The following FGF19 variants were observed in gnomAD, a reference collection of about 807,000 sequenced individuals.
The protein encoded by FGF19 is fibroblast growth factor 19.
A neutral mutation model predicts 8.9 loss-of-function variants in FGF19; 5 were observed. That is an observed-to-expected ratio of 0.56 (90% CI 0.29 to 1.18). The LOEUF (loss-of-function observed/expected upper bound fraction) is 1.18. Among genes scored for constraint, FGF19 ranks in the 50% most tolerant of loss-of-function variants. The pLI is 0.08. For synonymous variants in FGF19, 124 were observed against 128.0 expected (o/e 0.97, Z 0.21); for missense variants, 237 against 293.9 (o/e 0.81, Z 1.42).
At chr11:69,699,661 C>G in intron 2 of FGF19, 85 bp from the exon 3 acceptor site, 1 of 1,096,572 alleles carries the variant, frequency 9.1e-7, no homozygotes, top group East Asian at 2.6e-5. Context: ...CAGACTGTCC[C>G]TGGTGGCCAC....
Position 69,702,952 on chromosome 11 carries a change from AAT to A in FGF19, c.336+307_336+308del, listed in dbSNP as rs1854792662. Among the ~76,000 whole-genome samples the A allele has an allele frequency of 6.6e-6, 1 of 152,084 alleles. No homozygotes were observed. Among genetic ancestry groups the A allele is most frequent in the Non-Finnish European group, 1.5e-5 (1 of 68,014 alleles). On this transcript the variant is annotated intron_variant, in intron 2 of 2. Coordinates refer to ENST00000294312, the MANE Select transcript of FGF19 (RefSeq NM_005117.3). This position sits in a 1 kb window ranked among gnomAD's most constrained non-coding sequence, Gnocchi z 4.6. ...AGGCCCGAGGTGGGTTTTCCTGTTT[AAT>A]ATCAAAGGAGGCCGAATAATGGGTT...
Position 69,703,555 on chromosome 11 carries a change from G to A in FGF19, c.232+90C>T, listed in dbSNP as rs1046522275. The A allele has an allele frequency of 1.6e-5, 12 of 763,836 alleles. No homozygotes were observed. The highest frequency in any genetic ancestry group is 2.0e-5 in the Non-Finnish European group (11 of 563,974). The allele number at this position is 763,836 out of a possible 1,614,324, so 47.3% of individuals were successfully genotyped here. A position where few individuals can be genotyped will look rare whatever the true frequency, so the allele number is the denominator to read the frequency against. On this transcript the variant is annotated intron_variant, in intron 1 of 2. Transcript: ENST00000294312. The surrounding 1 kb of genome is among the most constrained non-coding windows in gnomAD (Gnocchi z 6.8). ...GAGGGGTCCGCAGGAGCCTAAGGGT[G>A]GCAAAGGAAGGAAGGGCGCTGGGGT...
rs1854730348 is a variant in FGF19 at position 69,698,446 on chromosome 11, G to A, written c.*816C>T. 1 of 187,468 alleles carries A rather than the reference G, an allele frequency of 5.3e-6. No individual in the cohort carries two copies. The highest frequency in any genetic ancestry group is 8.5e-5 in the East Asian group (1 of 11,702). The allele number at this position is 187,468 out of a possible 1,614,324, so 11.6% of individuals were successfully genotyped here. On this transcript the variant is annotated 3_prime_UTR_variant, in exon 3 of 3. Transcript: ENST00000294312. ...CAGCAAGTTATTGACAAGACTTGGG[G>A]TCTTCAAATCTTTTCTTTTCCTGAT...
Position 69,699,371 on chromosome 11 carries a change from C to A in FGF19, c.542G>T (p.Gly181Val). Residue 181 changes from glycine to valine, a missense_variant, in exon 3 of 3, where the codon GGC becomes GTC. Coordinates refer to ENST00000294312, the MANE Select transcript of FGF19 (RefSeq NM_005117.3). ...AGAGAACATGTCAGATTCCAAGTGG[C>A]CCCTGAGGTCCTCAGGCTCCTCTGG... The part of the protein sequence containing the change: ...MVPEEPEDLR[G>V]HLESDMFSSP... 2 of 1,614,076 alleles carry A rather than the reference C, an allele frequency of 1.2e-6. No homozygotes were observed. The highest frequency in any genetic ancestry group is 1.7e-6 in the Non-Finnish European group (2 of 1,179,922).
chr11:69,703,074 G>A lies in FGF19; in HGVS notation c.336+187C>T, dbSNP rs533098833. ...CTGCTGGCTGAGACCCTAAATTTCCGTAGGAAATCGTCGGACATGCACTTA... is the reference window on the plus strand; with the variant it reads ...CTGCTGGCTGAGACCCTAAATTTCCATAGGAAATCGTCGGACATGCACTTA... On this transcript the variant is annotated intron_variant, in intron 2 of 2. Transcript: ENST00000294312. This position sits in a 1 kb window ranked among gnomAD's most constrained non-coding sequence, Gnocchi z 6.8. Among the ~76,000 whole-genome samples, 2 of 152,212 alleles carry A rather than the reference G, an allele frequency of 1.3e-5. No homozygotes were observed. Among genetic ancestry groups the A allele is most frequent in the African/African-American group, 2.4e-5 (1 of 41,458 alleles).
Position 69,699,453 on chromosome 11 carries a change from A to G in FGF19, c.460T>C (p.Tyr154His). 6.2e-7 allele frequency: 1 copy of G among 1,614,200 alleles called. No homozygotes were observed. Residue 154 changes from tyrosine to histidine, a missense_variant, in exon 3 of 3, where the codon TAC (tyrosine) becomes CAC (histidine). Tyr to His is a moderately conservative substitution (Grantham distance 83, BLOSUM62 2). Transcript: ENST00000294312. ...SLSSAKQRQL[Y>H]KNRGFLPLSH... The stretch of plus-strand genomic sequence containing the variant: ...AGTGGAAGAAAGCCTCTGTTCTTGT[A>G]CAGCTGCCGCTGTTTGGCACTGCTC...
At chr11:69,701,532 GGT>G (rs1186044542) in intron 2 of FGF19, among the ~76,000 whole-genome samples, 1 of 151,534 alleles carries the variant, frequency 6.6e-6, no homozygotes, top group African/African-American at 2.4e-5. Context: ...GAACCCCGCA[GGT>G]GGAGGTTGCA....
intron 2 of FGF19, among the ~76,000 whole-genome samples, chr11:69,701,479 C>T (rs768926064): frequency 1.3e-5 from 2 of 151,644 alleles, no homozygotes; most frequent in Non-Finnish European, 2.9e-5. Context: ...GCACGGTGCC[C>T]GTAATCCCAG....
Position 69,702,628 on chromosome 11 carries a change from A to G in FGF19, c.336+633T>C, listed in dbSNP as rs1854787430. 6.6e-6 allele frequency among the ~76,000 whole-genome samples: 1 copy of G among 151,462 alleles called. No individual in the cohort carries two copies. Among genetic ancestry groups the G allele is most frequent in the Non-Finnish European group, 1.5e-5 (1 of 67,818 alleles). On this transcript the variant is annotated intron_variant, in intron 2 of 2. Transcript: ENST00000294312. The surrounding 1 kb of genome is among the most constrained non-coding windows in gnomAD (Gnocchi z 4.6). Reference sequence around the variant, plus strand: ...AGCCCCCACCCCCTGCCCCCACCAGAAAGCGTTTACAGGACAGGTGAGGCC... The same window carrying G: ...AGCCCCCACCCCCTGCCCCCACCAGGAAGCGTTTACAGGACAGGTGAGGCC...
At chr11:69,701,384 G>C (rs1416497683) in intron 2 of FGF19, among the ~76,000 whole-genome samples, 1 of 152,024 alleles carries the variant, frequency 6.6e-6, no homozygotes, top group African/African-American at 2.4e-5. Flanking sequence ...GGCAGATCGT[G>C]ATGTCAGGAG....
chr11:69,698,592 GA>G lies in FGF19; in HGVS notation c.*669del, dbSNP rs1854731886. 5.1e-6 allele frequency: 1 copy of G among 194,452 alleles called. No homozygotes were observed. Among genetic ancestry groups the G allele is most frequent in the Non-Finnish European group, 1.1e-5 (1 of 93,492 alleles). 12.0% of individuals were successfully genotyped at this position (194,452 alleles called of 1,614,324 possible). On this transcript the variant is annotated 3_prime_UTR_variant, in exon 3 of 3. Transcript: ENST00000294312. Reference sequence around the variant, plus strand: ...GGGAGATGGAAGCAGGTGACACCGGGACAGCAAGTTATTCTCAGGACAGCAT... The same window carrying G: ...GGGAGATGGAAGCAGGTGACACCGGGCAGCAAGTTATTCTCAGGACAGCAT...
intron 2 of FGF19, among the ~76,000 whole-genome samples, chr11:69,701,679 G>C (rs759816203): frequency 2.6e-5 from 4 of 151,438 alleles, no homozygotes; most frequent in Admixed American, 6.6e-5. Context: ...AGGCACAAAG[G>C]GGGCTGGGCG....
chr11:69,698,344 T>C lies in FGF19; in HGVS notation c.*918A>G, dbSNP rs1854729305. On this transcript the variant is annotated 3_prime_UTR_variant, in exon 3 of 3. Coordinates refer to ENST00000294312, the MANE Select transcript of FGF19 (RefSeq NM_005117.3). ...AAAATAAGAGATGTACATATCAAAA[T>C]AAATTACTCATAAATATCATGTTGG... 5.4e-6 allele frequency: 1 copy of C among 184,940 alleles called. No individual in the cohort carries two copies. The highest frequency in any genetic ancestry group is 2.0e-3 in the Middle Eastern group (1 of 510). 11.5% of individuals were successfully genotyped at this position (184,940 alleles called of 1,614,324 possible). A position where few individuals can be genotyped will look rare whatever the true frequency, so the allele number is the denominator to read the frequency against.
rs554936075 is a variant in FGF19 at position 69,702,580 on chromosome 11, C to A, written c.336+681G>T. 1.3e-5 allele frequency among the ~76,000 whole-genome samples: 2 copies of A among 152,162 alleles called. No individual in the cohort carries two copies. The highest frequency in any genetic ancestry group is 2.4e-5 in the African/African-American group (1 of 41,524). On this transcript the variant is annotated intron_variant, in intron 2 of 2. Coordinates refer to ENST00000294312, the MANE Select transcript of FGF19 (RefSeq NM_005117.3). This position sits in a 1 kb window ranked among gnomAD's most constrained non-coding sequence, Gnocchi z 4.6. ...TACACTTCCGGCCCCGGGACCTCTG[C>A]GGTTACCTGGGCCTTCCCTGCCAGC...
rs1303360335 is a variant in FGF19, at chr11:69,698,620, C to T, written c.*642G>A. ...AGCAAGTTATTCTCAGGACAGCATC[C>T]ATGACAGAACTGGCCTCAGGGGGAA... is the stretch of plus-strand genomic sequence containing the variant. On this transcript the variant is annotated 3_prime_UTR_variant, in exon 3 of 3. Transcript: ENST00000294312. 5.1e-6 allele frequency: 1 copy of T among 196,876 alleles called. No homozygotes were observed. The highest frequency in any genetic ancestry group is 1.1e-5 in the Non-Finnish European group (1 of 95,210). The allele number at this position is 196,876 out of a possible 1,614,324, so 12.2% of individuals were successfully genotyped here.
chr11:69,703,257 T>G lies in FGF19; in HGVS notation c.336+4A>C. On this transcript the variant is annotated splice_donor_region_variant and intron_variant, in intron 2 of 2. Coordinates refer to ENST00000294312, the MANE Select transcript of FGF19 (RefSeq NM_005117.3). This position sits in a 1 kb window ranked among gnomAD's most constrained non-coding sequence, Gnocchi z 6.8. ...CGGCGCATCCGCCCCGTGGGGACACTTACCAGCCCCTGCATCTTGCCGTCG... is the reference window on the plus strand; with the variant it reads ...CGGCGCATCCGCCCCGTGGGGACACGTACCAGCCCCTGCATCTTGCCGTCG... The G allele has an allele frequency of 6.3e-7, 1 of 1,591,064 alleles. No individual in the cohort carries two copies. Among genetic ancestry groups the G allele is most frequent in the Non-Finnish European group, 8.6e-7 (1 of 1,168,604 alleles).
chr11:69,701,528 C>G (rs972839125), intron 2 of FGF19, among the ~76,000 whole-genome samples: 1 of 147,164 alleles, frequency 6.8e-6, no homozygotes, highest in African/African-American at 2.5e-5. Flanking sequence ...GCTTGAACCC[C>G]GCAGGTGGAG....
rs1179709099 is a variant in FGF19, at chr11:69,703,758, T to C, written c.119A>G (p.Asp40Gly). ...GTACAGGTGCCGCAGGCGGATGGGG[T>C]CGCCCCAGCCGTAGTGCACGTGGGG... ...AGPHVHYGWGDPIRLRHLYTS... is the reference protein window; with the variant it reads ...AGPHVHYGWGGPIRLRHLYTS... Residue 40 changes from aspartate to glycine, a missense_variant, in exon 1 of 3, where the codon GAC becomes GGC. Asp to Gly is a moderately conservative substitution (Grantham distance 94). Coordinates refer to ENST00000294312, the MANE Select transcript of FGF19 (RefSeq NM_005117.3). The surrounding 1 kb of genome is among the most constrained non-coding windows in gnomAD (Gnocchi z 6.8). 8.1e-7 allele frequency: 1 copy of C among 1,233,172 alleles called. No individual in the cohort carries two copies. Among genetic ancestry groups the C allele is most frequent in the Admixed American group, 4.2e-5 (1 of 23,646 alleles). The allele number at this position is 1,233,172 out of a possible 1,614,324, so 76.4% of individuals were successfully genotyped here.
intron 2 of FGF19, among the ~76,000 whole-genome samples, chr11:69,701,566 G>A (rs1191381920): frequency 7.8e-6 from 1 of 128,782 alleles, no homozygotes; most frequent in Non-Finnish European, 1.5e-5. Flanking sequence ...TCATACCACT[G>A]TACTCCAGCC....
Sources: gnomAD v4.1 joint callset for allele counts (sites outside exome capture counted in the v4.1 genomes callset) on GRCh38, gnomAD v4.1.1 for gene constraint, Gnocchi (gnomAD v3.1) non-coding constraint, MANE v1.5 for transcripts, NCBI Gene and HGNC (gene_info 2026-07-23, HGNC 2026-07-21) for gene names.